Variants in UCHL3 observed in about 807,000 individuals in gnomAD.
UCHL3 encodes ubiquitin C-terminal hydrolase L3.
In UCHL3, 22 loss-of-function variants were observed where a neutral mutation model predicts 35.8. The ratio of observed to expected loss-of-function variants is 0.61; its 90% CI spans 0.44 to 0.88. UCHL3 has a LOEUF of 0.88. UCHL3 is among the 40% of genes least tolerant of loss of function. The pLI is 0.00. For missense variants in UCHL3, 229 were observed against 276.9 expected (o/e 0.83, Z 1.23); for synonymous variants, 90 against 92.8 (o/e 0.97, Z 0.17).
chr13:75,592,452 A>ATATATATATATATATG (rs2032529422), intron 6 of UCHL3, among the ~76,000 whole-genome samples: 2 of 114,836 alleles, frequency 1.7e-5, no homozygotes, highest in African/African-American at 6.4e-5. Context: ...ATATATATAT[A>ATATATATATATATATG]TATATATATA....
intron 7 of UCHL3, among the ~76,000 whole-genome samples, chr13:75,596,019 T>C (rs778105647): frequency 2.0e-5 from 3 of 152,206 alleles, no homozygotes; most frequent in Non-Finnish European, 4.4e-5. Context: ...CCGTGAGTTT[T>C]GGTTCTATTA....
At chr13:75,579,813 T>G (rs1033541729) in intron 6 of UCHL3, among the ~76,000 whole-genome samples, 2 of 152,052 alleles carry the variant, frequency 1.3e-5, no homozygotes, top group Admixed American at 6.6e-5. Context: ...CTTTCCAGAG[T>G]AGAGGGTAAT....
At chr13:75,602,637 C>A (rs1202507938) in intron 7 of UCHL3, among the ~76,000 whole-genome samples, 1 of 152,172 alleles carries the variant, frequency 6.6e-6, no homozygotes, top group African/African-American at 2.4e-5. Flanking sequence ...GCAAATTTTA[C>A]ATTTTATTGT....
Position 75,603,420 on chromosome 13 carries a change from A to G in UCHL3, c.551-1349A>G, listed in dbSNP as rs115765745. Among the ~76,000 whole-genome samples the G allele has an allele frequency of 6.9e-3, 1,053 of 152,284 alleles. 11 individuals are homozygous for G. The highest frequency in any genetic ancestry group is 0.023 in the African/African-American group (957 of 41,546). On this transcript the variant is annotated intron_variant, in intron 7 of 8. Transcript: ENST00000377595. ...TGAGGCAGGAGGATTGCTTGAACGC[A>G]GGAGGTTAAGTTCAGCCTGGGGAAT...
chr13:75,549,845 C>T lies in UCHL3; in HGVS notation c.25C>T (p.Leu9=). ...CATGGAGGGTCAACGCTGGCTGCCG[C>T]TGGAGGCCAATCCCGAGGTGGGCGC... MEGQRWLP[L]EANPEVTNQF... is the part of the protein sequence containing the mutation. The change falls in exon 1 of 9, where the codon CTG becomes TTG. Residue 9 remains leucine, a synonymous_variant. Coordinates refer to ENST00000377595, the MANE Select transcript of UCHL3 (RefSeq NM_006002.5). 1.2e-6 allele frequency: 2 copies of T among 1,602,498 alleles called. No individual in the cohort carries two copies. Among genetic ancestry groups the T allele is most frequent in the Non-Finnish European group, 1.7e-6 (2 of 1,174,214 alleles).
chr13:75,573,266 GAAAA>G (rs59697323), intron 6 of UCHL3, among the ~76,000 whole-genome samples: 1 of 129,388 alleles, frequency 7.7e-6, no homozygotes, highest in African/African-American at 2.9e-5. Flanking sequence ...CTCTGTCTCA[GAAAA>G]AAAAAAAAAA....
At chr13:75,584,135 G>A (rs1231294484) in intron 6 of UCHL3, among the ~76,000 whole-genome samples, 2 of 152,138 alleles carry the variant, frequency 1.3e-5, no homozygotes, top group Non-Finnish European at 2.9e-5. Context: ...TGCGGGAGGG[G>A]CAGGTTCTTC....
At position 75,595,505 on chromosome 13, in the gene UCHL3, G is replaced by A. The variant is rs561808074; in HGVS notation, c.550+515G>A. Among the ~76,000 whole-genome samples the A allele has an allele frequency of 3.6e-5, 5 of 139,174 alleles. No individual in the cohort carries two copies. In the South Asian group the frequency reaches 1.1e-3, roughly 32 times the overall value. The allele number at this position is 139,174 out of a possible 152,430, so 91.3% of individuals were successfully genotyped here. On this transcript the variant is annotated intron_variant, in intron 7 of 8. Coordinates refer to ENST00000377595, the MANE Select transcript of UCHL3 (RefSeq NM_006002.5). ...CCAGCTACTTGGGAGGCTGAGGCAG[G>A]AGAATCGCTTGAACACAGGAGGTGG...
chr13:75,553,205 TGAG>T (rs2031174887), intron 2 of UCHL3, among the ~76,000 whole-genome samples: 1 of 152,202 alleles, frequency 6.6e-6, no homozygotes, highest in African/African-American at 2.4e-5. Context: ...CTGTCCTCCT[TGAG>T]CTGCTGCCTT....
At chr13:75,586,839 T>C (rs1040658232) in intron 6 of UCHL3, among the ~76,000 whole-genome samples, 2 of 151,692 alleles carry the variant, frequency 1.3e-5, no homozygotes, top group African/African-American at 2.4e-5. Flanking sequence ...AAAAGAAATA[T>C]ACCAAAATTG....
intron 5 of UCHL3, among the ~76,000 whole-genome samples, chr13:75,568,821 G>GT (rs1311094200): frequency 6.6e-6 from 1 of 152,084 alleles, no homozygotes; most frequent in Non-Finnish European, 1.5e-5. Flanking sequence ...TAGTTTGCAT[G>GT]TTTTTAAGGC....
At chr13:75,550,116 G>C (rs1373407113) in intron 2 of UCHL3, 129 bp downstream of exon 2, 2 of 1,437,002 alleles carry the variant, frequency 1.4e-6, no homozygotes, top group South Asian at 1.1e-5. Flanking sequence ...CCTCTTGTTC[G>C]GCTTTACGCG....
intron 6 of UCHL3, among the ~76,000 whole-genome samples, chr13:75,592,447 T>TATATAC (rs1566228115): frequency 1.9e-5 from 2 of 107,846 alleles, no homozygotes; most frequent in East Asian, 4.8e-4. Flanking sequence ...TATATATATA[T>TATATAC]ATATATATAT....
At position 75,566,705 on chromosome 13, in the gene UCHL3, TCAGAA is replaced by T. The variant is rs760217672; in HGVS notation, c.200_204del (p.Thr67ArgfsTer40). ...TTTTTTTTTTAATAGTATGAAGTAT[TCAGAA>T]CAGAAGAGGAAGAAAAAATAAAATC... On this transcript the variant is annotated frameshift_variant, in exon 4 of 9. Transcript: ENST00000377595. LOFTEE classifies it high-confidence loss of function. 3.8e-6 allele frequency: 6 copies of T among 1,570,400 alleles called. No homozygotes were observed. In the East Asian group the frequency reaches 1.1e-4, roughly 30 times the overall value.
chr13:75,601,327 T>C (rs2032776932), intron 7 of UCHL3, among the ~76,000 whole-genome samples: 3 of 152,252 alleles, frequency 2.0e-5, no homozygotes, highest in Non-Finnish European at 4.4e-5. Flanking sequence ...GGTAAAGTGC[T>C]GTCAAACAGC....
At chr13:75,589,977 T>C in intron 6 of UCHL3, 1 of 1,304,878 alleles carries the variant, frequency 7.7e-7, no homozygotes, top group South Asian at 1.2e-5. Context: ...TTCTAGCCAC[T>C]GCAGAACGAA....
intron 2 of UCHL3, among the ~76,000 whole-genome samples, chr13:75,550,943 T>G (rs1226899849): frequency 6.6e-6 from 1 of 152,222 alleles, no homozygotes; most frequent in Non-Finnish European, 1.5e-5. Context: ...CATTTGATCT[T>G]TCACCATTAA....
chr13:75,592,481 T>C (rs2032538102), intron 6 of UCHL3, among the ~76,000 whole-genome samples: 1 of 92,750 alleles, frequency 1.1e-5, no homozygotes. Context: ...GGAAAAAAGA[T>C]CCCATCTATA....
chr13:75,598,298 G>T (rs9543990), intron 7 of UCHL3, among the ~76,000 whole-genome samples: 116,525 of 152,106 alleles, frequency 0.77, 45,482 homozygotes, highest in Middle Eastern at 0.88. Context: ...TTAAAACTTC[G>T]GTGTGTATTT....
Sources: gnomAD v4.1 joint callset for allele counts (sites outside exome capture counted in the v4.1 genomes callset) on GRCh38, gnomAD v4.1.1 for gene constraint, MANE v1.5 for transcripts, NCBI Gene and HGNC (gene_info 2026-07-23, HGNC 2026-07-21) for gene names.